The following MAP3K13 variants were observed in gnomAD, a reference collection of about 807,000 sequenced individuals.
The protein encoded by MAP3K13 is leucine zipper-bearing kinase.
A neutral mutation model predicts 104.0 loss-of-function variants in MAP3K13; 52 were observed. The observed-to-expected ratio is 0.50, with a 90% CI of 0.40 to 0.63. The LOEUF is 0.63. Ranked by LOEUF, MAP3K13 falls within the 20% of genes least tolerant of loss-of-function variation. The probability of loss-of-function intolerance (pLI) is 0.00; values close to 1 mark genes in which losing one functional copy is unlikely to be tolerated. For synonymous variants in MAP3K13, 394 were observed against 442.2 expected (o/e 0.89, Z 1.37); for missense variants, 914 against 1,218.5 (o/e 0.75, Z 3.72).
Position 185,482,514 on chromosome 3 carries a change from AC to A in MAP3K13, c.*63del. On this transcript the variant is annotated 3_prime_UTR_variant, in exon 14 of 14. Coordinates refer to ENST00000265026, the MANE Select transcript of MAP3K13 (RefSeq NM_004721.5). This position sits in a 1 kb window ranked among gnomAD's most constrained non-coding sequence, Gnocchi z 4.5. ...TATACTGGCATTTCAGATCCACCCC[AC>A]CCCCAGACTCATCCCACTCTCTCCC... is the stretch of plus-strand genomic sequence containing the variant. 3.2e-6 allele frequency: 4 copies of A among 1,264,232 alleles called. No individual in the cohort carries two copies. Among genetic ancestry groups the A allele is most frequent in the South Asian group, 1.2e-5 (1 of 82,742 alleles). The allele number at this position is 1,264,232 out of a possible 1,614,324, so 78.3% of individuals were successfully genotyped here.
At position 185,488,350 on chromosome 3, in the gene MAP3K13, T is replaced by C. The variant is rs1236774961; in HGVS notation, c.*5894T>C. ...CACAGACTGGCACATTAGAATCATA[T>C]TAATCTGCTTGTTTGCATGTTACAA... On this transcript the variant is annotated 3_prime_UTR_variant, in exon 14 of 14. Coordinates refer to ENST00000265026, the MANE Select transcript of MAP3K13 (RefSeq NM_004721.5). 1 of 152,172 alleles carries C rather than the reference T, an allele frequency of 6.6e-6. No homozygotes were observed. The highest frequency in any genetic ancestry group is 2.1e-4 in the South Asian group (1 of 4,828). The allele number at this position is 152,172 out of a possible 1,614,324, so 9.4% of individuals were successfully genotyped here.
chr3:185,324,217 A>G (rs1203997595), intron 2 of MAP3K13, among the ~76,000 whole-genome samples: 2 of 151,780 alleles, frequency 1.3e-5, no homozygotes, highest in African/African-American at 4.8e-5. Context: ...ACGGGGTTTT[A>G]CCATGTTAGC....
intron 2 of MAP3K13, chr3:185,328,918 C>T (rs370051140): frequency 1.2e-4 from 37 of 299,500 alleles, no homozygotes; most frequent in African/African-American, 6.4e-4. Flanking sequence ...AGGAAACTGG[C>T]GGCTGCTGGT....
intron 7 of MAP3K13, among the ~76,000 whole-genome samples, chr3:185,455,723 A>G (rs1274611569): frequency 7.8e-5 from 3 of 38,658 alleles, no homozygotes; most frequent in African/African-American, 1.8e-4. Flanking sequence ...TGAGATATAT[A>G]TGATATATAT....
chr3:185,378,156 A>C (rs1297599447), intron 1 of MAP3K13, among the ~76,000 whole-genome samples: 1 of 152,186 alleles, frequency 6.6e-6, no homozygotes, highest in Non-Finnish European at 1.5e-5. Flanking sequence ...CTACTCTATT[A>C]TTGTACACCT....
chr3:185,381,253 C>T (rs1724706283), intron 1 of MAP3K13, among the ~76,000 whole-genome samples: 1 of 152,084 alleles, frequency 6.6e-6, no homozygotes. Context: ...TGAGCCACGG[C>T]GTCCAGCCAA....
At chr3:185,454,652 T>TATATATGAG (rs1716229989) in intron 7 of MAP3K13, among the ~76,000 whole-genome samples, 4 of 39,318 alleles carry the variant, frequency 1.0e-4, no homozygotes, top group East Asian at 5.4e-4. Flanking sequence ...ATATATATGA[T>TATATATGAG]ATATATATGA....
At chr3:185,463,519 A>G (rs1717232878) in intron 7 of MAP3K13, 31 bp from the exon 8 acceptor site, 1 of 1,337,468 alleles carries the variant, frequency 7.5e-7, no homozygotes, top group Admixed American at 1.7e-5. Flanking sequence ...AACTCCTGGA[A>G]TTTATCAAAA....
At chr3:185,422,955 T>C (rs1271560658) in intron 1 of MAP3K13, among the ~76,000 whole-genome samples, 1 of 152,138 alleles carries the variant, frequency 6.6e-6, no homozygotes, top group Non-Finnish European at 1.5e-5. Context: ...GGGCATTAGA[T>C]TCTCATGGGA....
chr3:185,480,612 C>A, intron 13 of MAP3K13, 83 bp downstream of exon 13: 1 of 1,388,468 alleles, frequency 7.2e-7, no homozygotes, highest in Non-Finnish European at 9.7e-7. Flanking sequence ...TTACAATTTT[C>A]ATTTAATAAT....
At chr3:185,426,826 C>T (rs1169716498) in intron 1 of MAP3K13, among the ~76,000 whole-genome samples, 1 of 152,144 alleles carries the variant, frequency 6.6e-6, no homozygotes, top group African/African-American at 2.4e-5. Context: ...AAAGTTACCA[C>T]CTTTGAGCAC....
intron 5 of MAP3K13, among the ~76,000 whole-genome samples, chr3:185,449,428 T>C (rs1423687163): frequency 6.6e-6 from 1 of 151,820 alleles, no homozygotes; most frequent in Admixed American, 6.6e-5. Context: ...TTTTAACTCC[T>C]TATTTTTTAG....
intron 2 of MAP3K13, among the ~76,000 whole-genome samples, chr3:185,357,924 A>G (rs957748702): frequency 1.3e-5 from 2 of 152,242 alleles, no homozygotes; most frequent in Non-Finnish European, 2.9e-5. Flanking sequence ...TTAACTCACA[A>G]TATTCTTTAA....
Position 185,418,892 on chromosome 3 carries a change from G to A in MAP3K13, c.-85-9605G>A. On this transcript the variant is annotated intron_variant, in intron 1 of 13. Coordinates refer to ENST00000265026, the MANE Select transcript of MAP3K13 (RefSeq NM_004721.5). This position sits in a 1 kb window ranked among gnomAD's most constrained non-coding sequence, Gnocchi z 4.5. ...CAGTTCTCTTAATCATGATCATTCT[G>A]CCTTTTCTAGAATCAAATGTGAATC... 1.8e-6 allele frequency: 2 copies of A among 1,141,532 alleles called. No homozygotes were observed. The highest frequency in any genetic ancestry group is 2.4e-6 in the Non-Finnish European group (2 of 823,208). 70.7% of individuals were successfully genotyped at this position (1,141,532 alleles called of 1,614,324 possible).
chr3:185,328,153 G>A (rs1389111247), intron 2 of MAP3K13, among the ~76,000 whole-genome samples: 2 of 152,110 alleles, frequency 1.3e-5, no homozygotes, highest in Non-Finnish European at 2.9e-5. Context: ...CAGATCAGCC[G>A]GTGGTTTGAA....
chr3:185,409,743 A>G (rs1260862472), intron 1 of MAP3K13, among the ~76,000 whole-genome samples: 2 of 152,226 alleles, frequency 1.3e-5, no homozygotes, highest in African/African-American at 4.8e-5. Flanking sequence ...ATGTCCGACA[A>G]TAGAAGAATG....
At chr3:185,434,443 C>T (rs1714912566) in intron 2 of MAP3K13, among the ~76,000 whole-genome samples, 1 of 152,180 alleles carries the variant, frequency 6.6e-6, no homozygotes, top group Non-Finnish European at 1.5e-5. Context: ...CTATCAAAAT[C>T]CTTTTGGACA....
chr3:185,346,687 G>A (rs966967196), intron 2 of MAP3K13, among the ~76,000 whole-genome samples: 3 of 152,052 alleles, frequency 2.0e-5, no homozygotes, highest in Non-Finnish European at 2.9e-5. Flanking sequence ...TGAATTTTGG[G>A]TCAAAAGATA....
At chr3:185,328,846 G>C (rs147858849) in intron 2 of MAP3K13, 3 of 196,424 alleles carry the variant, frequency 1.5e-5, no homozygotes, top group African/African-American at 4.6e-5. Flanking sequence ...CTGTAAATGT[G>C]TATCAGTGTG....
Sources: allele counts gnomAD v4.1 joint callset (sites outside exome capture counted in the v4.1 genomes callset), GRCh38; gene constraint gnomAD v4.1.1; non-coding constraint Gnocchi (gnomAD v3.1); transcripts MANE v1.5; gene names NCBI Gene and HGNC (gene_info 2026-07-23, HGNC 2026-07-21).